The following NFS1 variants were observed in gnomAD, a reference collection of about 807,000 sequenced individuals.
The protein encoded by NFS1 is NFS1 cysteine desulfurase, also known as cysteine desulfurase.
NFS1 carries 26 observed loss-of-function variants against 57.3 expected under a neutral mutation model. That is an observed-to-expected ratio of 0.45 (90% CI 0.33 to 0.63). NFS1 has a LOEUF of 0.63. Ranked by LOEUF, NFS1 falls within the 20% of genes least tolerant of loss-of-function variation. The pLI is 0.02. For missense variants in NFS1, 505 were observed against 605.8 expected (o/e 0.83, Z 1.75); for synonymous variants, 209 against 216.3 (o/e 0.97, Z 0.30).
intron 5 of NFS1, 98 bp downstream of exon 5, chr20:35,690,315 T>A (rs2146433109): frequency 1.7e-6 from 2 of 1,155,140 alleles, no homozygotes; most frequent in East Asian, 4.7e-5. Context: ...AACTGTTAGA[T>A]CTATTCCTTC....
intron 4 of NFS1, among the ~76,000 whole-genome samples, chr20:35,695,282 G>A (rs1033505414): frequency 4.6e-5 from 7 of 152,198 alleles, no homozygotes; most frequent in Non-Finnish European, 8.8e-5. Context: ...GCAGAGTGCT[G>A]ATGACCCTGA....
intron 12 of NFS1, among the ~76,000 whole-genome samples, chr20:35,670,484 A>C (rs1347951837): frequency 6.6e-6 from 1 of 152,220 alleles, no homozygotes; most frequent in South Asian, 2.1e-4. Flanking sequence ...AAATTTCATT[A>C]TATTCTTGAC....
chr20:35,698,919 G>C (rs2035193060), intron 1 of NFS1: 2 of 1,310,364 alleles, frequency 1.5e-6, no homozygotes, highest in Admixed American at 3.8e-5. Flanking sequence ...CGGTCTGCAC[G>C]GGAGCCCGGA....
intron 4 of NFS1, among the ~76,000 whole-genome samples, chr20:35,692,812 G>C (rs553035205): frequency 1.7e-3 from 258 of 152,154 alleles, no homozygotes; most frequent in South Asian, 2.9e-3. Flanking sequence ...GACCAGCCTA[G>C]TCAACATGGC....
chr20:35,687,926 T>G (rs778960615), intron 5 of NFS1, among the ~76,000 whole-genome samples: 1 of 152,166 alleles, frequency 6.6e-6, no homozygotes, highest in Admixed American at 6.6e-5. Context: ...ACTGAGATGT[T>G]GCCTCTATAA....
chr20:35,686,684 G>A (rs1376161709), intron 5 of NFS1, among the ~76,000 whole-genome samples: 2 of 152,148 alleles, frequency 1.3e-5, no homozygotes, highest in African/African-American at 2.4e-5. Context: ...AAAGTCTGAT[G>A]AGGATGTGCA....
intron 12 of NFS1, among the ~76,000 whole-genome samples, 174 bp from the exon 13 acceptor site, chr20:35,669,859 G>A (rs899693478): frequency 6.6e-6 from 1 of 152,166 alleles, no homozygotes; most frequent in Non-Finnish European, 1.5e-5. Flanking sequence ...CCAGCTCCCT[G>A]TAAGTCCTTG....
intron 2 of NFS1, 134 bp from the exon 3 acceptor site, chr20:35,697,934 T>C (rs529530438): frequency 5.3e-5 from 31 of 586,422 alleles, no homozygotes; most frequent in Non-Finnish European, 8.3e-5. Flanking sequence ...GCCTCAAACA[T>C]TCTTTTGTTC....
At chr20:35,681,337 A>G (rs1377969215) in intron 6 of NFS1, among the ~76,000 whole-genome samples, 1 of 152,200 alleles carries the variant, frequency 6.6e-6, no homozygotes, top group Non-Finnish European at 1.5e-5. Context: ...AAGGAAAAAG[A>G]GTAGCAGGCT....
chr20:35,677,144 C>A (rs1568957789), intron 7 of NFS1, among the ~76,000 whole-genome samples: 1 of 152,132 alleles, frequency 6.6e-6, no homozygotes, highest in African/African-American at 2.4e-5. Flanking sequence ...CAATTACAGG[C>A]GTGTGCCACT....
chr20:35,675,478 T>C, intron 7 of NFS1: 1 of 447,038 alleles, frequency 2.2e-6, no homozygotes, highest in Non-Finnish European at 4.0e-6. Flanking sequence ...ATTACAGTAT[T>C]ATTCATAATA....
In NFS1 at chr20:35,668,325, T is replaced by C. The variant is rs945766763; in HGVS notation, c.*1297A>G. The C allele has an allele frequency of 1.3e-5, 2 of 152,174 alleles. No individual in the cohort carries two copies. The highest frequency in any genetic ancestry group is 2.9e-5 in the Non-Finnish European group (2 of 68,026). 9.4% of individuals were successfully genotyped at this position (152,174 alleles called of 1,614,324 possible). On this transcript the variant is annotated 3_prime_UTR_variant, in exon 13 of 13. Coordinates refer to ENST00000374092, the MANE Select transcript of NFS1 (RefSeq NM_021100.5). ...ACCATTATCCACAATAAGAAATACA[T>C]TTATAACCTGGTATACAAATTCAAA...
intron 4 of NFS1, among the ~76,000 whole-genome samples, chr20:35,691,792 T>C (rs1293549347): frequency 6.9e-6 from 1 of 145,892 alleles, no homozygotes; most frequent in Non-Finnish European, 1.5e-5. Flanking sequence ...GGCTCATGCC[T>C]GTAATCCCTC....
chr20:35,692,942 T>C (rs992480988), intron 4 of NFS1, among the ~76,000 whole-genome samples: 2 of 150,060 alleles, frequency 1.3e-5, no homozygotes, highest in Non-Finnish European at 3.0e-5. Flanking sequence ...GCAGAAGTTG[T>C]AGTAAGCCAA....
Position 35,669,121 on chromosome 20 carries a change from A to C in NFS1, c.*501T>G, listed in dbSNP as rs2034611253. The C allele has an allele frequency of 1.3e-5, 2 of 152,450 alleles. No homozygotes were observed. The highest frequency in any genetic ancestry group is 4.8e-5 in the African/African-American group (2 of 41,472). 9.4% of individuals were successfully genotyped at this position (152,450 alleles called of 1,614,324 possible). On this transcript the variant is annotated 3_prime_UTR_variant, in exon 13 of 13. Transcript: ENST00000374092. ...GGGTAGAAAGGAGACAAGCCCTCTA[A>C]GAAACTGTCCATTCAGTCTGTCTGC...
At chr20:35,684,334 G>A (rs1181320803) in intron 5 of NFS1, among the ~76,000 whole-genome samples, 1 of 151,754 alleles carries the variant, frequency 6.6e-6, no homozygotes, top group Non-Finnish European at 1.5e-5. Flanking sequence ...CGTGAACCTG[G>A]GAGGCGGAGG....
At chr20:35,689,835 G>A (rs1410045495) in intron 5 of NFS1, among the ~76,000 whole-genome samples, 1 of 151,124 alleles carries the variant, frequency 6.6e-6, no homozygotes, top group Admixed American at 6.6e-5. Context: ...CTACTCAGGA[G>A]GCTGAGGCAG....
In NFS1 at chr20:35,675,117, C is replaced by T; in HGVS notation, c.876G>A (p.Arg292=). The T allele has an allele frequency of 1.2e-6, 2 of 1,614,060 alleles. No individual in the cohort carries two copies. The highest frequency in any genetic ancestry group is 1.7e-5 in the Admixed American group (1 of 60,024). The part of the protein sequence containing the change: ...QSGGGQERGM[R]SGTVPTPLVV... ...CTAAGGGTGTGGGCACTGTCCCAGA[C>T]CGCATACCCCGCTCCTGCCCCCCTC... is the stretch of plus-strand genomic sequence containing the variant. Residue 292 remains arginine (R), a synonymous_variant, in exon 8 of 13, where the codon CGG becomes CGA. Transcript: ENST00000374092.
rs1568953797 is a variant in NFS1 at position 35,669,513 on chromosome 20, T to C, written c.*109A>G. 4.4e-6 allele frequency: 4 copies of C among 899,454 alleles called. No individual in the cohort carries two copies. In the African/African-American group the frequency reaches 6.6e-5, roughly 15 times the overall value. The allele number at this position is 899,454 out of a possible 1,614,324, so 55.7% of individuals were successfully genotyped here. ...GAGGTGGACTGATGCTGAAGTCAACTGGTCTATACCAATCTAGAGCATCCA... is the reference window on the plus strand; with the variant it reads ...GAGGTGGACTGATGCTGAAGTCAACCGGTCTATACCAATCTAGAGCATCCA... On this transcript the variant is annotated 3_prime_UTR_variant, in exon 13 of 13. Coordinates refer to ENST00000374092, the MANE Select transcript of NFS1 (RefSeq NM_021100.5).
Sources: gnomAD v4.1 joint callset for allele counts (sites outside exome capture counted in the v4.1 genomes callset) on GRCh38, gnomAD v4.1.1 for gene constraint, MANE v1.5 for transcripts, NCBI Gene and HGNC (gene_info 2026-07-23, HGNC 2026-07-21) for gene names.